Variants in MRPL52 observed in about 807,000 individuals in gnomAD.
MRPL52 encodes the protein large ribosomal subunit protein mL52.
In MRPL52, 19 loss-of-function variants were observed where a neutral mutation model predicts 22.1. That is an observed-to-expected ratio of 0.86 (90% confidence interval 0.60 to 1.26). The LOEUF (loss-of-function observed/expected upper bound fraction) is 1.26, where lower values mean the gene tolerates loss of function less well. MRPL52 is among the 50% of genes most tolerant of loss of function. The probability of loss-of-function intolerance (pLI) is 0.00; values close to 1 mark genes in which losing one functional copy is unlikely to be tolerated. For synonymous variants in MRPL52, 50 were observed against 57.5 expected, an observed-to-expected ratio of 0.87 and a Z score of 0.59; for missense variants, 152 against 148.1, an observed-to-expected ratio of 1.03 and a Z score of -0.14.
chr14:22,835,012 T>C lies in MRPL52; in HGVS notation c.*691T>C, dbSNP rs577114336. The C allele has an allele frequency of 6.6e-6, 1 of 152,348 alleles. No homozygotes were observed. Among genetic ancestry groups the C allele is most frequent in the Non-Finnish European group, 1.5e-5 (1 of 68,034 alleles). The allele number at this position is 152,348 out of a possible 1,614,324, so 9.4% of individuals were successfully genotyped here. A position where few individuals can be genotyped will look rare whatever the true frequency, so the allele number is the denominator to read the frequency against. Reference sequence around the variant, plus strand: ...CAGTTTAGGCCATGTACAGCTGGCATCTAATAAATGTTTTCATGAAAAAGA... The same window carrying C: ...CAGTTTAGGCCATGTACAGCTGGCACCTAATAAATGTTTTCATGAAAAAGA... On this transcript the variant is annotated 3_prime_UTR_variant, in exon 5 of 5. Transcript: ENST00000397496.
Position 22,834,410 on chromosome 14 carries a change from C to T in MRPL52, c.*89C>T, listed in dbSNP as rs1307173046. 7 of 1,401,950 alleles carry T rather than the reference C, an allele frequency of 5.0e-6. No individual in the cohort carries two copies. The highest frequency in any genetic ancestry group is 5.0e-5 in the East Asian group (2 of 40,292). The allele number at this position is 1,401,950 out of a possible 1,614,324, so 86.8% of individuals were successfully genotyped here. ...TCATCCAGCCAGAAGATAGCCTTCA[C>T]GTTCCCCATCTGTCTTCAGAGAAAA... is the stretch of plus-strand genomic sequence containing the variant. On this transcript the variant is annotated 3_prime_UTR_variant, in exon 5 of 5. Transcript: ENST00000397496.
Position 22,834,623 on chromosome 14 carries a change from A to G in MRPL52, c.*302A>G. The G allele has an allele frequency of 4.3e-6, 1 of 230,980 alleles. No homozygotes were observed. Among genetic ancestry groups the G allele is most frequent in the Admixed American group, 5.5e-5 (1 of 18,134 alleles). 14.3% of individuals were successfully genotyped at this position (230,980 alleles called of 1,614,324 possible). ...GCTGAGGCGGGCAGATCACAAGATC[A>G]GGAGTTCGAGACCAGCCTGGCCAAC... On this transcript the variant is annotated 3_prime_UTR_variant, in exon 5 of 5. Transcript: ENST00000397496.
intron 3 of MRPL52, 34 bp downstream of exon 3, chr14:22,830,288 G>C (rs1353175233): frequency 1.2e-6 from 2 of 1,612,626 alleles, no homozygotes; most frequent in Admixed American, 1.7e-5. Context: ...CTCCACTGGG[G>C]AGATTTTCAC....
intron 4 of MRPL52, 100 bp downstream of exon 4, chr14:22,833,582 A>G (rs2039672799): frequency 2.5e-6 from 2 of 802,340 alleles, no homozygotes; most frequent in Non-Finnish European, 4.1e-6. Flanking sequence ...TGTACCCCTC[A>G]TACAGAGGTT....
rs765949864 is a variant in MRPL52 at position 22,834,318 on chromosome 14, A to G, written c.366A>G (p.Gln122=). The G allele has an allele frequency of 4.8e-5, 78 of 1,609,004 alleles. No individual in the cohort carries two copies. In the East Asian group the frequency reaches 1.6e-3, roughly 34 times the overall value. The change falls in exon 5 of 5, where the codon CAA becomes CAG. Residue 122 remains glutamine (Q), a synonymous_variant. Transcript: ENST00000397496. ...GASLKSPLPS[Q] ...CACTGAAGAGCCCACTTCCAAGTCA[A>G]TAAAAAGCAACTCCTGCCTCCCTTC...
At chr14:22,830,401 C>G (rs950576828) in intron 3 of MRPL52, 147 bp downstream of exon 3, 7 of 765,228 alleles carry the variant, frequency 9.1e-6, no homozygotes, top group African/African-American at 8.7e-5. Context: ...GAAAGAAACC[C>G]TCTTGTTTAT....
rs201095623 is a variant in MRPL52 at position 22,834,251 on chromosome 14, A to G, written c.299A>G (p.Glu100Gly). 1.9e-5 allele frequency: 30 copies of G among 1,614,128 alleles called. No homozygotes were observed. The highest frequency in any genetic ancestry group is 2.7e-5 in the African/African-American group (2 of 74,946). The change falls in exon 5 of 5, where the codon GAA (glutamate) becomes GGA (glycine). Residue 100 changes from glutamate (E) to glycine (G), a missense_variant. Glu to Gly is a moderately conservative substitution (Grantham distance 98, BLOSUM62 -2). Transcript: ENST00000397496. ...WQLRQQKLQE[E>G]QRKQENALKP... ...CTCAGGCAGCAGAAGTTGCAGGAAG[A>G]ACAAAGGAAGCAGGAAAATGCTCTT...
At chr14:22,833,754 T>C (rs2039677485) in intron 4 of MRPL52, among the ~76,000 whole-genome samples, 1 of 152,208 alleles carries the variant, frequency 6.6e-6, no homozygotes, top group Non-Finnish European at 1.5e-5. Context: ...CCTGAGTAGC[T>C]GGGATTACAC....
At chr14:22,833,509 C>CCCTGGCTGT in intron 4 of MRPL52, 27 bp downstream of exon 4, 3 of 1,552,970 alleles carry the variant, frequency 1.9e-6, no homozygotes, top group Non-Finnish European at 2.7e-6. Context: ...ACAGCCAGGG[C>CCCTGGCTGT]TACCTGGAAG....
rs191924187 is a variant in MRPL52, at chr14:22,834,125, C to T, written c.220-47C>T. The T allele has an allele frequency of 4.5e-4, 726 of 1,599,936 alleles. 2 individuals are homozygous for T. The African/African-American group carries it at 8.5e-3, about 19-fold the overall frequency. The stretch of plus-strand genomic sequence containing the variant: ...GTAAGTGGAAGGATATATAGTATAG[C>T]GCTGAAGTCCCAGATGTTATCCACA... On this transcript the variant is annotated intron_variant, in intron 4 of 4. Coordinates refer to ENST00000397496, the MANE Select transcript of MRPL52 (RefSeq NM_180982.3).
chr14:22,834,401 T>C lies in MRPL52; in HGVS notation c.*80T>C, dbSNP rs1242223852. On this transcript the variant is annotated 3_prime_UTR_variant, in exon 5 of 5. Coordinates refer to ENST00000397496, the MANE Select transcript of MRPL52 (RefSeq NM_180982.3). The stretch of plus-strand genomic sequence containing the variant: ...CTAGATGCTTCATCCAGCCAGAAGA[T>C]AGCCTTCACGTTCCCCATCTGTCTT... 11 of 1,455,250 alleles carry C rather than the reference T, an allele frequency of 7.6e-6. No individual in the cohort carries two copies. Among genetic ancestry groups the C allele is most frequent in the Non-Finnish European group, 9.2e-6 (10 of 1,089,712 alleles). 90.1% of individuals were successfully genotyped at this position (1,455,250 alleles called of 1,614,324 possible).
chr14:22,833,627 GTTTTTGT>G, intron 4 of MRPL52, 145 bp downstream of exon 4: 1 of 633,306 alleles, frequency 1.6e-6, no homozygotes, highest in South Asian at 2.0e-5. Flanking sequence ...TTTTGTTTTT[GTTTTTGT>G]TTTTTGTGAG....
chr14:22,832,739 TGTG>T (rs2039649715), intron 3 of MRPL52, among the ~76,000 whole-genome samples: 1 of 151,794 alleles, frequency 6.6e-6, no homozygotes, highest in African/African-American at 2.4e-5. Flanking sequence ...ATTAGCCGGG[TGTG>T]GTGGTGCGCA....
Position 22,833,486 on chromosome 14 carries a change from A to C in MRPL52, c.219+4A>C, listed in dbSNP as rs747523588. 1.9e-6 allele frequency: 3 copies of C among 1,610,602 alleles called. No individual in the cohort carries two copies. Among genetic ancestry groups the C allele is most frequent in the Non-Finnish European group, 2.5e-6 (3 of 1,176,896 alleles). ...AGCTGAAAGGGAGACGTTTGCAGTGAGTGGTTAGAGCAACAGCCAGGGCTA... is the reference window on the plus strand; with the variant it reads ...AGCTGAAAGGGAGACGTTTGCAGTGCGTGGTTAGAGCAACAGCCAGGGCTA... On this transcript the variant is annotated splice_donor_region_variant and intron_variant, in intron 4 of 4. Transcript: ENST00000397496.
In MRPL52 at chr14:22,835,021, T is replaced by C. The variant is rs1180054561; in HGVS notation, c.*700T>C. ...CCATGTACAGCTGGCATCTAATAAATGTTTTCATGAAAAAGATTTTCTAGC... is the reference window on the plus strand; with the variant it reads ...CCATGTACAGCTGGCATCTAATAAACGTTTTCATGAAAAAGATTTTCTAGC... On this transcript the variant is annotated 3_prime_UTR_variant, in exon 5 of 5. Coordinates refer to ENST00000397496, the MANE Select transcript of MRPL52 (RefSeq NM_180982.3). The C allele has an allele frequency of 6.6e-6, 1 of 152,200 alleles. No homozygotes were observed. The highest frequency in any genetic ancestry group is 1.9e-4 in the East Asian group (1 of 5,202). The allele number at this position is 152,200 out of a possible 1,614,324, so 9.4% of individuals were successfully genotyped here.
rs549364072 is a variant in MRPL52 at position 22,833,615 on chromosome 14, TTTTTTG to T, written c.219+151_219+156del. 737 of 667,012 alleles carry T rather than the reference TTTTTTG, an allele frequency of 1.1e-3. 12 individuals are homozygous for T. In the South Asian group the frequency reaches 0.013, roughly 12 times the overall value. The allele number at this position is 667,012 out of a possible 1,614,324, so 41.3% of individuals were successfully genotyped here. A position where few individuals can be genotyped will look rare whatever the true frequency, so the allele number is the denominator to read the frequency against. On this transcript the variant is annotated intron_variant, in intron 4 of 4. Transcript: ENST00000397496. ...GTTTTATTAATAACAGCCAAAGGTT[TTTTTTG>T]TTTTTGTTTTTGTTTTTTGTGAGAC... is the stretch of plus-strand genomic sequence containing the variant.
chr14:22,833,158 C>T (rs1371277520), intron 3 of MRPL52: 2 of 289,688 alleles, frequency 6.9e-6, no homozygotes, highest in Non-Finnish European at 1.3e-5. Context: ...TACCTGGCAA[C>T]AGAGCGAGAC....
chr14:22,831,351 C>T (rs2039614549), intron 3 of MRPL52: 1 of 220,804 alleles, frequency 4.5e-6, no homozygotes, highest in Admixed American at 5.6e-5. Context: ...CTCCTTAGCT[C>T]AAGTGATCCA....
chr14:22,829,997 G>T, intron 1 of MRPL52, 56 bp from the exon 2 acceptor site: 1 of 1,613,390 alleles, frequency 6.2e-7, no homozygotes, highest in Non-Finnish European at 8.5e-7. Flanking sequence ...ACGGGCACAG[G>T]ACCCCTGATC....
Sources: allele counts gnomAD v4.1 joint callset (sites outside exome capture counted in the v4.1 genomes callset), GRCh38; gene constraint gnomAD v4.1.1; transcripts MANE v1.5; gene names NCBI Gene and HGNC (gene_info 2026-07-23, HGNC 2026-07-21).